Variants in NPSR1 observed in about 807,000 individuals in gnomAD.
NPSR1 encodes the protein neuropeptide S receptor.
NPSR1 carries 48 observed loss-of-function variants against 46.9 expected under a neutral mutation model. That is an observed-to-expected ratio of 1.02 (90% confidence interval 0.81 to 1.30). The LOEUF (loss-of-function observed/expected upper bound fraction) is 1.30, where lower values mean the gene tolerates loss of function less well. NPSR1 is among the 50% of genes most tolerant of loss of function. NPSR1 has a pLI of 0.00. For synonymous variants in NPSR1, 176 were observed against 168.1 expected (o/e 1.05, Z -0.36); for missense variants, 450 against 449.5 (o/e 1.00, Z -0.01).
chr7:34,829,382 G>A (rs1790013864), intron 5 of NPSR1, among the ~76,000 whole-genome samples: 1 of 152,194 alleles, frequency 6.6e-6, no homozygotes, highest in Non-Finnish European at 1.5e-5. Context: ...TTGAGAGAAA[G>A]TTTGAAGGAG....
intron 3 of NPSR1, among the ~76,000 whole-genome samples, chr7:34,810,469 A>C (rs2128750567): frequency 6.6e-6 from 1 of 152,332 alleles, no homozygotes; most frequent in African/African-American, 2.4e-5. Flanking sequence ...TTAATAAAAG[A>C]GACAGTGGGA....
At chr7:34,720,277 G>GA (rs35040022) in intron 2 of NPSR1, among the ~76,000 whole-genome samples, 61,265 of 139,250 alleles carry the variant, frequency 0.44, 13,674 homozygotes, top group African/African-American at 0.57. Flanking sequence ...AAGATTCCGA[G>GA]AAAAAAAAAA....
chr7:34,776,861 G>A (rs1190483055), intron 2 of NPSR1, among the ~76,000 whole-genome samples: 2 of 152,202 alleles, frequency 1.3e-5, no homozygotes, highest in Admixed American at 1.3e-4. Context: ...ATGCCATCCA[G>A]GAGCTAGAGC....
chr7:34,866,331 G>A (rs1452291773), intron 8 of NPSR1, among the ~76,000 whole-genome samples: 2 of 151,960 alleles, frequency 1.3e-5, no homozygotes, highest in East Asian at 1.9e-4. Context: ...AGCAGGACCC[G>A]TGAGTAAACA....
chr7:34,814,155 C>A (rs1789129191), intron 4 of NPSR1, among the ~76,000 whole-genome samples: 1 of 152,198 alleles, frequency 6.6e-6, no homozygotes, highest in South Asian at 2.1e-4. Flanking sequence ...CCTTTCCTAG[C>A]CAAGGGAAGC....
chr7:34,846,807 A>T (rs932998237), intron 7 of NPSR1, among the ~76,000 whole-genome samples: 2 of 152,242 alleles, frequency 1.3e-5, no homozygotes, highest in African/African-American at 4.8e-5. Context: ...ATATTTATTT[A>T]AAATACCTGT....
chr7:34,675,897 T>G (rs1037263890), intron 1 of NPSR1, among the ~76,000 whole-genome samples: 1 of 152,252 alleles, frequency 6.6e-6, no homozygotes, highest in Non-Finnish European at 1.5e-5. Flanking sequence ...ACATTTCTTA[T>G]TTCCACTCAG....
In NPSR1 at chr7:34,752,077, C is replaced by T. The variant is rs143005526; in HGVS notation, c.281-26385C>T. 1,426 of 601,800 alleles carry T rather than the reference C, an allele frequency of 2.4e-3. 17 individuals are homozygous for T. Among genetic ancestry groups the T allele is most frequent in the South Asian group, 0.012 (662 of 54,442 alleles). The allele number at this position is 601,800 out of a possible 1,614,324, so 37.3% of individuals were successfully genotyped here. A position where few individuals can be genotyped will look rare whatever the true frequency, so the allele number is the denominator to read the frequency against. On this transcript the variant is annotated intron_variant, in intron 2 of 8. Transcript: ENST00000360581. Reference sequence around the variant, plus strand: ...GAGTTTTATTTTCTGCAACCGGTGACGGGGAGAAGGCCTGGAAATTATTGC... The same window carrying T: ...GAGTTTTATTTTCTGCAACCGGTGATGGGGAGAAGGCCTGGAAATTATTGC...
At chr7:34,738,735 TTTAA>T (rs564098797) in intron 2 of NPSR1, among the ~76,000 whole-genome samples, 52 of 152,236 alleles carry the variant, frequency 3.4e-4, no homozygotes, top group Non-Finnish European at 6.6e-4. Context: ...ATCTTTTTAT[TTTAA>T]TTGAGGTAAA....
intron 3 of NPSR1, among the ~76,000 whole-genome samples, chr7:34,786,610 A>G (rs1787477949): frequency 6.6e-6 from 1 of 152,166 alleles, no homozygotes; most frequent in South Asian, 2.1e-4. Context: ...TATGGCAGCC[A>G]TGGCCTTACA....
Position 34,849,633 on chromosome 7 carries a change from T to G in NPSR1, c.1094T>G (p.Leu365Arg), listed in dbSNP as rs781087458. Reference protein sequence around the residue: ...ERTERHEMQILSKPEFI With the variant: ...ERTERHEMQIRSKPEFI Reference sequence around the variant, plus strand: ...ACTGAGAGGCATGAGATGCAGATTCTGTCCAAGCCAGAATTCATCTAGACC... The same window carrying G: ...ACTGAGAGGCATGAGATGCAGATTCGGTCCAAGCCAGAATTCATCTAGACC... The change falls in exon 9 of 9, where the codon CTG becomes CGG. Residue 365 changes from leucine (L) to arginine (R), a missense_variant. Coordinates refer to ENST00000360581, the MANE Select transcript of NPSR1 (RefSeq NM_207172.2). 2 of 1,614,074 alleles carry G rather than the reference T, an allele frequency of 1.2e-6. No homozygotes were observed. The highest frequency in any genetic ancestry group is 2.7e-5 in the African/African-American group (2 of 74,932).
intron 8 of NPSR1, among the ~76,000 whole-genome samples, chr7:34,859,662 A>G (rs571427560): frequency 6.6e-6 from 1 of 151,956 alleles, no homozygotes; most frequent in East Asian, 1.9e-4. Context: ...ACAGACTTTA[A>G]GGAGGCCAAT....
At chr7:34,669,568 C>CAA (rs540666804) in intron 1 of NPSR1, among the ~76,000 whole-genome samples, 1,957 of 133,678 alleles carry the variant, frequency 0.015, 19 homozygotes, top group Middle Eastern at 0.042. Context: ...GACTCTGTTT[C>CAA]AAAAAAAAAA....
At chr7:34,878,288 A>G in exon 9 of NPSR1, 1 of 583,814 alleles carries the variant, frequency 1.7e-6, no homozygotes, top group Non-Finnish European at 3.2e-6. Context: ...TCACAGCAGG[A>G]TGGCCTGCAT....
chr7:34,740,801 T>C lies in NPSR1; in HGVS notation c.281-37661T>C, dbSNP rs146218802. ...CAATCTGCTTCCTGCAGAGGGTCTG[T>C]GGGTTCTCTCGGCTTTCCTGATTTA... On this transcript the variant is annotated intron_variant, in intron 2 of 8. Coordinates refer to ENST00000360581, the MANE Select transcript of NPSR1 (RefSeq NM_207172.2). Among the ~76,000 whole-genome samples the C allele has an allele frequency of 6.2e-4, 94 of 152,266 alleles. No homozygotes were observed. In the East Asian group the frequency reaches 0.017, roughly 27 times the overall value.
intron 2 of NPSR1, among the ~76,000 whole-genome samples, chr7:34,740,005 A>G (rs1592423): frequency 0.37 from 56,571 of 151,840 alleles, 10,770 homozygotes; most frequent in East Asian, 0.44. Context: ...TAGCAGGGTG[A>G]GTAGGAAAGA....
At chr7:34,665,054 G>A (rs1052867532) in intron 1 of NPSR1, among the ~76,000 whole-genome samples, 3 of 152,124 alleles carry the variant, frequency 2.0e-5, no homozygotes, top group African/African-American at 7.2e-5. Context: ...GAGCAGATAT[G>A]AAACTAAAGT....
chr7:34,812,038 T>C (rs907896840), intron 4 of NPSR1, among the ~76,000 whole-genome samples, 175 bp downstream of exon 4: 6 of 152,186 alleles, frequency 3.9e-5, no homozygotes, highest in Non-Finnish European at 8.8e-5. Context: ...TCTGATTGTC[T>C]AAAAAGATGT....
chr7:34,853,751 G>A (rs190315747), downstream of NPSR1, among the ~76,000 whole-genome samples: 7 of 152,180 alleles, frequency 4.6e-5, no homozygotes, highest in South Asian at 4.1e-4. Context: ...ACCTGAGTTC[G>A]AACAGGAGTT....
Sources: allele counts gnomAD v4.1 joint callset (sites outside exome capture counted in the v4.1 genomes callset), GRCh38; gene constraint gnomAD v4.1.1; transcripts MANE v1.5; gene names NCBI Gene and HGNC (gene_info 2026-07-23, HGNC 2026-07-21).